Variants in SGIP1 observed in about 807,000 individuals in gnomAD.
SGIP1 encodes the protein SH3-containing GRB2-like protein 3-interacting protein 1.
SGIP1 carries 38 observed loss-of-function variants against 107.5 expected under a neutral mutation model. The ratio of observed to expected loss-of-function variants is 0.35; its 90% CI spans 0.27 to 0.46. SGIP1 has a LOEUF of 0.46. SGIP1 is among the 20% of genes least tolerant of loss of function. SGIP1 has a pLI of 1.00. For missense variants in SGIP1, 929 were observed against 1,019.5 expected (o/e 0.91, Z 1.21); for synonymous variants, 365 against 366.1 (o/e 1.00, Z 0.03).
In SGIP1 at chr1:66,741,382, G is replaced by C. The variant is rs2094441639; in HGVS notation, c.2410G>C (p.Glu804Gln). The change falls in exon 24 of 25, where the codon GAA (glutamate) becomes CAA (glutamine). Residue 804 changes from glutamate (E) to glutamine (Q), a missense_variant. By Grantham distance (29) the Glu-to-Gln change is conservative. Coordinates refer to ENST00000371037, the MANE Select transcript of SGIP1 (RefSeq NM_032291.4). ...EGSTLSGCDI[E>Q]LVGAGYRFSL... ...AAGCACCCTTTCTGGCTGTGACATT[G>C]AACTTGTTGGAGCAGGGTATCGATT... 1 of 1,609,354 alleles carries C rather than the reference G, an allele frequency of 6.2e-7. No individual in the cohort carries two copies. The highest frequency in any genetic ancestry group is 1.3e-5 in the African/African-American group (1 of 74,750).
intron 1 of SGIP1, among the ~76,000 whole-genome samples, chr1:66,602,888 A>G (rs1483461962): frequency 6.6e-6 from 1 of 152,166 alleles, no homozygotes. Context: ...TTTTACATAA[A>G]TTTTTAGAAA....
intron 18 of SGIP1, among the ~76,000 whole-genome samples, chr1:66,695,775 A>C (rs1405907034): frequency 1.3e-5 from 2 of 152,232 alleles, no homozygotes; most frequent in African/African-American, 4.8e-5. Flanking sequence ...AACAAAACAA[A>C]ACACACCTTT....
At chr1:66,557,685 A>G (rs1371823917) in intron 1 of SGIP1, among the ~76,000 whole-genome samples, 1 of 152,156 alleles carries the variant, frequency 6.6e-6, no homozygotes, top group Non-Finnish European at 1.5e-5. Context: ...GGAGAGAAAT[A>G]GGTAAGCACA....
At chr1:66,742,460 CTTT>C (rs764080079) in intron 24 of SGIP1, among the ~76,000 whole-genome samples, 14 of 45,110 alleles carry the variant, frequency 3.1e-4, no homozygotes, top group Middle Eastern at 0.016. Context: ...AGCACCCTTT[CTTT>C]TTTTTTTTTT....
intron 1 of SGIP1, among the ~76,000 whole-genome samples, chr1:66,592,935 G>T (rs1365186927): frequency 1.0e-5 from 1 of 95,740 alleles, no homozygotes; most frequent in Non-Finnish European, 1.9e-5. Context: ...TTTGAGAAAG[G>T]GTTTCACCAC....
chr1:66,566,873 C>G (rs926893697), intron 1 of SGIP1, among the ~76,000 whole-genome samples: 1 of 151,896 alleles, frequency 6.6e-6, no homozygotes, highest in African/African-American at 2.4e-5. Flanking sequence ...CCCCCCACCC[C>G]CTAACAGGGT....
chr1:66,618,916 T>C (rs1175323335), intron 1 of SGIP1, among the ~76,000 whole-genome samples: 1 of 152,192 alleles, frequency 6.6e-6, no homozygotes. Context: ...TAAACCCAGA[T>C]CTTTGGATTC....
At position 66,679,744 on chromosome 1, in the gene SGIP1, T is replaced by G. The variant is rs760769944; in HGVS notation, c.806T>G (p.Ile269Ser). 3.1e-6 allele frequency: 5 copies of G among 1,598,734 alleles called. No individual in the cohort carries two copies. The highest frequency in any genetic ancestry group is 4.3e-6 in the Non-Finnish European group (5 of 1,176,048). The part of the protein sequence containing the change: ...TPPRTGSPLT[I>S]GPGNDQSATE... Reference sequence around the variant, plus strand: ...CCCCGAACAGGATCCCCCTTAACAATTGGACCAGGTACGCTTTTGTTTTTT... The same window carrying G: ...CCCCGAACAGGATCCCCCTTAACAAGTGGACCAGGTACGCTTTTGTTTTTT... Residue 269 changes from isoleucine (I) to serine (S), a missense_variant, in exon 14 of 25, where the codon ATT becomes AGT. Ile to Ser is a moderately radical substitution (Grantham distance 142). Coordinates refer to ENST00000371037, the MANE Select transcript of SGIP1 (RefSeq NM_032291.4).
At chr1:66,549,157 T>G (rs868193945) in intron 1 of SGIP1, among the ~76,000 whole-genome samples, 1,749 of 148,548 alleles carry the variant, frequency 0.012, 33 homozygotes, top group African/African-American at 0.029. Flanking sequence ...CTTCCTTCCT[T>G]CCTTCCTTCC....
chr1:66,593,057 C>A (rs2063959829), intron 1 of SGIP1, among the ~76,000 whole-genome samples: 1 of 151,800 alleles, frequency 6.6e-6, no homozygotes, highest in African/African-American at 2.4e-5. Flanking sequence ...GTAGCCTTTT[C>A]AGATTGGCTT....
At chr1:66,696,008 A>T (rs1257293244) in intron 18 of SGIP1, among the ~76,000 whole-genome samples, 1 of 152,244 alleles carries the variant, frequency 6.6e-6, no homozygotes, top group African/African-American at 2.4e-5. Flanking sequence ...GGGAAAAGAA[A>T]AAAAGGAGTT....
Position 66,670,562 on chromosome 1 carries a change from T to C in SGIP1, c.484-433T>C, listed in dbSNP as rs535802147. Among the ~76,000 whole-genome samples the C allele has an allele frequency of 3.3e-5, 5 of 152,324 alleles. No individual in the cohort carries two copies. The East Asian group carries it at 9.6e-4, about 29-fold the overall frequency. ...AATCACATTTGTAAACTGATGACTG[T>C]TTCCATTAGCAACCTGGGGACCACA... On this transcript the variant is annotated intron_variant, in intron 9 of 24. Coordinates refer to ENST00000371037, the MANE Select transcript of SGIP1 (RefSeq NM_032291.4).
intron 18 of SGIP1, among the ~76,000 whole-genome samples, chr1:66,709,635 T>C (rs1343001519): frequency 6.6e-6 from 1 of 152,180 alleles, no homozygotes; most frequent in African/African-American, 2.4e-5. Context: ...CCCTTTTTCC[T>C]CTGTATTCTC....
chr1:66,606,538 G>A (rs1309440011), intron 1 of SGIP1, among the ~76,000 whole-genome samples: 4 of 152,144 alleles, frequency 2.6e-5, no homozygotes, highest in Non-Finnish European at 5.9e-5. Flanking sequence ...GTTCCATGAG[G>A]GAGACATGAC....
Position 66,643,727 on chromosome 1 carries a change from T to TTGTGTG in SGIP1, c.459+18_459+23dup, listed in dbSNP as rs145373755. 8.1e-5 allele frequency: 128 copies of TTGTGTG among 1,586,918 alleles called. No homozygotes were observed. The highest frequency in any genetic ancestry group is 5.9e-4 in the African/African-American group (43 of 73,486). ...CTTTCCCCATCACCAGTGGTGAGTGTTGTGTGTGTGTGTGTTAAGCTTTAG... is the reference window on the plus strand; with the variant it reads ...CTTTCCCCATCACCAGTGGTGAGTGTTGTGTGTGTGTGTGTGTGTGTTAAGCTTTAG... On this transcript the variant is annotated intron_variant, in intron 7 of 24. Transcript: ENST00000371037.
At chr1:66,699,606 A>T (rs1204095565) in intron 18 of SGIP1, among the ~76,000 whole-genome samples, 1 of 152,182 alleles carries the variant, frequency 6.6e-6, no homozygotes, top group East Asian at 1.9e-4. Context: ...TTTCATCATT[A>T]AGAATTTGTC....
chr1:66,590,834 C>T (rs1003032519), intron 1 of SGIP1, among the ~76,000 whole-genome samples: 2 of 150,202 alleles, frequency 1.3e-5, no homozygotes, highest in Non-Finnish European at 3.0e-5. Flanking sequence ...ATCTGCCCCC[C>T]TCAACCTTCC....
At chr1:66,597,731 T>G (rs1049960256) in intron 1 of SGIP1, among the ~76,000 whole-genome samples, 3 of 152,092 alleles carry the variant, frequency 2.0e-5, no homozygotes, top group African/African-American at 7.2e-5. Context: ...TAATTCTCCT[T>G]CTCAGAGTAT....
chr1:66,648,350 G>A (rs1449209210), intron 7 of SGIP1, among the ~76,000 whole-genome samples: 1 of 151,874 alleles, frequency 6.6e-6, no homozygotes. Flanking sequence ...CTTGACATAA[G>A]GCCTAGTGTG....
Sources: gnomAD v4.1 joint callset for allele counts (sites outside exome capture counted in the v4.1 genomes callset) on GRCh38, gnomAD v4.1.1 for gene constraint, MANE v1.5 for transcripts, NCBI Gene and HGNC (gene_info 2026-07-23, HGNC 2026-07-21) for gene names.